The following FAXDC2 variants were observed in gnomAD, a reference collection of about 807,000 sequenced individuals.
FAXDC2 encodes the protein fatty acid hydroxylase domain containing 2, also known as fatty acid hydroxylase domain-containing protein 2.
FAXDC2 carries 41 observed loss-of-function variants against 40.9 expected under a neutral mutation model. The ratio of observed to expected loss-of-function variants is 1.00; its 90% CI spans 0.78 to 1.30. The LOEUF (loss-of-function observed/expected upper bound fraction) is 1.30, where lower values mean the gene tolerates loss of function less well. FAXDC2 is among the 50% of genes most tolerant of loss of function. The pLI is 0.00. For synonymous variants in FAXDC2, 157 were observed against 149.3 expected (o/e 1.05, Z -0.38); for missense variants, 390 against 408.8 (o/e 0.95, Z 0.40).
intron 5 of FAXDC2, 74 bp downstream of exon 5, chr5:154,830,727 G>T: frequency 1.7e-5 from 27 of 1,577,954 alleles, no homozygotes; most frequent in Non-Finnish European, 2.3e-5. Flanking sequence ...TCCTGGGCCA[G>T]TGGTGAGAAT....
chr5:154,835,017 C>T, intron 2 of FAXDC2, 83 bp from the exon 3 acceptor site: 1 of 870,094 alleles, frequency 1.1e-6, no homozygotes, highest in Non-Finnish European at 1.9e-6. Context: ...AGCGGGAGTG[C>T]TGTAGGATCA....
At chr5:154,825,296 G>A (rs758671519) in intron 5 of FAXDC2, among the ~76,000 whole-genome samples, 18 of 133,062 alleles carry the variant, frequency 1.4e-4, no homozygotes, top group Non-Finnish European at 2.4e-4. Flanking sequence ...TCCGGGAGGC[G>A]GAGGTTGTAG....
chr5:154,839,527 G>T lies in FAXDC2; in HGVS notation c.1-1349C>A, dbSNP rs138995255. Among the ~76,000 whole-genome samples the T allele has an allele frequency of 6.4e-3, 967 of 151,532 alleles. 10 individuals are homozygous for T. Among genetic ancestry groups the T allele is most frequent in the African/African-American group, 0.02 (845 of 41,318 alleles). The stretch of plus-strand genomic sequence containing the variant: ...GCCAGGTGTGGTAGCACATGCCTGT[G>T]GTCCCAGCTACCTGAGAGGCTGAAC... On this transcript the variant is annotated intron_variant, in intron 1 of 8. Transcript: ENST00000326080.
intron 1 of FAXDC2, among the ~76,000 whole-genome samples, chr5:154,841,902 AT>A (rs1398449725): frequency 4.0e-5 from 6 of 151,768 alleles, no homozygotes; most frequent in Non-Finnish European, 8.8e-5. Flanking sequence ...TGCACAGCTA[AT>A]TTTTTTGTAT....
intron 4 of FAXDC2, among the ~76,000 whole-genome samples, chr5:154,832,955 T>G (rs1760229636): frequency 6.6e-6 from 1 of 152,196 alleles, no homozygotes; most frequent in Non-Finnish European, 1.5e-5. Flanking sequence ...GCATTTTGCT[T>G]TATAGCAACT....
chr5:154,839,358 T>C (rs1760428225), intron 1 of FAXDC2, among the ~76,000 whole-genome samples: 1 of 150,460 alleles, frequency 6.6e-6, no homozygotes, highest in African/African-American at 2.4e-5. Context: ...GAAATACGTC[T>C]GAGGCTGGGT....
intron 1 of FAXDC2, among the ~76,000 whole-genome samples, chr5:154,850,079 G>T (rs529302287): frequency 1.3e-5 from 2 of 152,360 alleles, no homozygotes; most frequent in African/African-American, 4.8e-5. Context: ...GGCAGCAGTT[G>T]CTTCCCAACA....
intron 5 of FAXDC2, among the ~76,000 whole-genome samples, chr5:154,827,876 G>GGA: frequency 1.3e-5 from 2 of 150,888 alleles, no homozygotes; most frequent in Admixed American, 1.3e-4. Context: ...TTGAGTCAGT[G>GGA]TCTCACTCTG....
intron 5 of FAXDC2, chr5:154,830,227 C>G (rs921004673): frequency 6.6e-6 from 1 of 152,288 alleles, no homozygotes; most frequent in Non-Finnish European, 1.5e-5. Flanking sequence ...CACTTCCCGG[C>G]GCTGTGCAAG....
At chr5:154,841,778 C>T (rs1239907881) in intron 1 of FAXDC2, among the ~76,000 whole-genome samples, 3 of 151,746 alleles carry the variant, frequency 2.0e-5, no homozygotes, top group African/African-American at 7.3e-5. Context: ...CTCTGTCGCC[C>T]AGGCTGGAGT....
intron 4 of FAXDC2, among the ~76,000 whole-genome samples, chr5:154,832,080 A>C (rs1452569676): frequency 6.6e-6 from 1 of 152,224 alleles, no homozygotes; most frequent in Non-Finnish European, 1.5e-5. Flanking sequence ...CTATATACCC[A>C]ATATATAAAA....
chr5:154,842,961 C>T (rs1760516842), intron 1 of FAXDC2, among the ~76,000 whole-genome samples: 3 of 152,140 alleles, frequency 2.0e-5, no homozygotes, highest in Admixed American at 2.0e-4. Flanking sequence ...CATGAACCAC[C>T]AGGCCCAGCT....
intron 2 of FAXDC2, among the ~76,000 whole-genome samples, chr5:154,837,647 G>A (rs572613287): frequency 2.0e-5 from 3 of 152,158 alleles, no homozygotes; most frequent in Non-Finnish European, 2.9e-5. Context: ...TTTGTTCGGG[G>A]ATGTTGGGTT....
intron 5 of FAXDC2, among the ~76,000 whole-genome samples, chr5:154,829,793 A>G (rs201751467): frequency 2.1e-4 from 32 of 152,246 alleles, no homozygotes; most frequent in African/African-American, 7.0e-4. Flanking sequence ...TGGTGCTACA[A>G]CAGCCGTGGT....
intron 2 of FAXDC2, chr5:154,836,295 G>A (rs943856594): frequency 1.3e-5 from 2 of 152,190 alleles, no homozygotes; most frequent in African/African-American, 4.8e-5. Flanking sequence ...GTCAAGGAGA[G>A]ACCACTGGAA....
chr5:154,846,398 A>C (rs746285103), intron 1 of FAXDC2, among the ~76,000 whole-genome samples: 17 of 152,102 alleles, frequency 1.1e-4, no homozygotes, highest in Admixed American at 5.9e-4. Flanking sequence ...TAGAAAGATG[A>C]ATAAGACATG....
intron 8 of FAXDC2, 86 bp from the exon 9 acceptor site, chr5:154,820,558 C>G: frequency 8.9e-7 from 1 of 1,124,406 alleles, no homozygotes; most frequent in Non-Finnish European, 1.3e-6. Flanking sequence ...TCACACATTT[C>G]TCAGCCCTCC....
chr5:154,841,528 C>G (rs1027352900), intron 1 of FAXDC2, among the ~76,000 whole-genome samples: 2 of 152,168 alleles, frequency 1.3e-5, no homozygotes, highest in African/African-American at 4.8e-5. Flanking sequence ...TGCCCCACAA[C>G]TAGGACAACA....
chr5:154,845,975 T>TA (rs1491216093), intron 1 of FAXDC2, among the ~76,000 whole-genome samples: 102 of 148,146 alleles, frequency 6.9e-4, no homozygotes, highest in East Asian at 3.9e-3. Context: ...TATATATATA[T>TA]TTTTTTTTAG....
Sources: allele counts gnomAD v4.1 joint callset (sites outside exome capture counted in the v4.1 genomes callset), GRCh38; gene constraint gnomAD v4.1.1; transcripts MANE v1.5; gene names NCBI Gene and HGNC (gene_info 2026-07-23, HGNC 2026-07-21).